Variants in DPP10 observed in about 807,000 individuals in gnomAD.
DPP10 encodes the protein dipeptidyl peptidase like 10.
A neutral mutation model predicts 120.9 loss-of-function variants in DPP10; 33 were observed. The ratio of observed to expected loss-of-function variants is 0.27; its 90% CI spans 0.21 to 0.37. The LOEUF (loss-of-function observed/expected upper bound fraction) is 0.37. DPP10 is among the 10% of genes least tolerant of loss of function. The pLI is 1.00. For missense variants in DPP10, 816 were observed against 942.8 expected (o/e 0.87, Z 1.76); for synonymous variants, 337 against 326.1 (o/e 1.03, Z -0.36).
chr2:115,622,841 T>TG lies in DPP10; in HGVS notation c.442-66846_442-66845insG, dbSNP rs142239552. On this transcript the variant is annotated intron_variant, in intron 5 of 25. Transcript: ENST00000410059. Reference sequence around the variant, plus strand: ...CCATTCGTTTATTCTTTTTTTTTTTTTTTTTGTTTTTTGTTTTTTGAGATG... The same window carrying TG: ...CCATTCGTTTATTCTTTTTTTTTTTTGTTTTTGTTTTTTGTTTTTTGAGATG... Among the ~76,000 whole-genome samples the TG allele has an allele frequency of 8.8e-5, 8 of 90,750 alleles. No homozygotes were observed. The East Asian group carries it at 2.9e-3, about 33-fold the overall frequency. 59.5% of individuals were successfully genotyped at this position (90,750 alleles called of 152,430 possible). A position where few individuals can be genotyped will look rare whatever the true frequency, so the allele number is the denominator to read the frequency against.
At chr2:115,415,126 C>T (rs1265304509) in intron 3 of DPP10, among the ~76,000 whole-genome samples, 3 of 152,148 alleles carry the variant, frequency 2.0e-5, no homozygotes, top group African/African-American at 7.2e-5. Flanking sequence ...GGTGGTTTTC[C>T]TGGTAAGATA....
chr2:115,001,051 C>T (rs1701406443), intron 1 of DPP10, among the ~76,000 whole-genome samples: 1 of 152,142 alleles, frequency 6.6e-6, no homozygotes, highest in Admixed American at 6.5e-5. Flanking sequence ...ATCAAATAAA[C>T]TTTGAGAACC....
At chr2:114,527,643 G>A (rs1573570452) in intron 1 of DPP10, among the ~76,000 whole-genome samples, 1 of 152,116 alleles carries the variant, frequency 6.6e-6, no homozygotes, top group Non-Finnish European at 1.5e-5. Context: ...CAATTACAAA[G>A]TATAGTTATG....
At chr2:114,459,992 G>A (rs1432910682) in intron 1 of DPP10, among the ~76,000 whole-genome samples, 1 of 152,072 alleles carries the variant, frequency 6.6e-6, no homozygotes, top group Admixed American at 6.6e-5. Context: ...TTCATTACCT[G>A]AAATCTTCTT....
At chr2:115,343,220 T>C (rs2063535688) in intron 2 of DPP10, among the ~76,000 whole-genome samples, 1 of 152,210 alleles carries the variant, frequency 6.6e-6, no homozygotes, top group South Asian at 2.1e-4. Flanking sequence ...TATAAAAGAC[T>C]AGTATGAAAT....
At chr2:114,853,251 A>C (rs752682120) in intron 1 of DPP10, among the ~76,000 whole-genome samples, 5 of 152,140 alleles carry the variant, frequency 3.3e-5, no homozygotes, top group Non-Finnish European at 7.4e-5. Context: ...TGTTAAATGG[A>C]TGAAAACATA....
chr2:115,329,928 T>C (rs2062608153), intron 2 of DPP10, among the ~76,000 whole-genome samples: 1 of 152,200 alleles, frequency 6.6e-6, no homozygotes, highest in Admixed American at 6.5e-5. Flanking sequence ...AGCAGCATGA[T>C]TTATAATCCT....
chr2:115,294,813 C>G (rs1242337668), intron 1 of DPP10, among the ~76,000 whole-genome samples: 1 of 151,944 alleles, frequency 6.6e-6, no homozygotes, highest in Non-Finnish European at 1.5e-5. Context: ...TCTCATGCAG[C>G]CAAAGTGGCA....
At chr2:114,699,261 A>T (rs10188095) in intron 1 of DPP10, among the ~76,000 whole-genome samples, 403 of 152,224 alleles carry the variant, frequency 2.6e-3, no homozygotes, top group African/African-American at 9.4e-3. Context: ...TTGTATAAAT[A>T]TACATATGCA....
intron 3 of DPP10, among the ~76,000 whole-genome samples, chr2:115,458,588 C>T (rs565299610): frequency 2.6e-5 from 4 of 151,992 alleles, no homozygotes; most frequent in African/African-American, 9.6e-5. Flanking sequence ...ATTCTTTTAC[C>T]TGATATGTTT....
At chr2:115,382,674 G>C (rs2066494624) in intron 3 of DPP10, among the ~76,000 whole-genome samples, 2 of 152,096 alleles carry the variant, frequency 1.3e-5, no homozygotes, top group African/African-American at 4.8e-5. Flanking sequence ...GGTAAAAGTA[G>C]GGACATTTTG....
At chr2:115,809,102 T>C (rs967179908) in intron 19 of DPP10, among the ~76,000 whole-genome samples, 7 of 152,202 alleles carry the variant, frequency 4.6e-5, no homozygotes, top group Non-Finnish European at 8.8e-5. Flanking sequence ...AAAAAAATAA[T>C]GTAATTCCTT....
intron 1 of DPP10, among the ~76,000 whole-genome samples, chr2:115,080,644 C>T (rs1252815731): frequency 1.3e-5 from 2 of 152,134 alleles, no homozygotes; most frequent in African/African-American, 4.8e-5. Flanking sequence ...ACAGTCTAGC[C>T]CCATATAGAT....
chr2:114,738,412 C>G (rs1012147223), intron 1 of DPP10, among the ~76,000 whole-genome samples: 9 of 152,174 alleles, frequency 5.9e-5, no homozygotes, highest in African/African-American at 1.9e-4. Context: ...CTATGGGACA[C>G]CTTCCAGATA....
intron 1 of DPP10, among the ~76,000 whole-genome samples, chr2:115,256,765 T>G (rs900958012): frequency 1.3e-5 from 2 of 152,228 alleles, no homozygotes; most frequent in Admixed American, 1.3e-4. Flanking sequence ...CTGGCCAAGC[T>G]GCAGATTTTT....
At chr2:114,876,248 A>G (rs990806911) in intron 1 of DPP10, among the ~76,000 whole-genome samples, 5 of 152,146 alleles carry the variant, frequency 3.3e-5, no homozygotes, top group African/African-American at 1.2e-4. Flanking sequence ...GATAGTGAAA[A>G]CGATATTTAT....
At position 115,491,536 on chromosome 2, in the gene DPP10, T is replaced by A. The variant is rs192796645; in HGVS notation, c.272-7974T>A. ...TGGATAATTTTATGGTGGGCTGGAATGTCTCTGGGAGGAGAGGAGATTATC... is the reference window on the plus strand; with the variant it reads ...TGGATAATTTTATGGTGGGCTGGAAAGTCTCTGGGAGGAGAGGAGATTATC... On this transcript the variant is annotated intron_variant, in intron 3 of 25. Transcript: ENST00000410059. Among the ~76,000 whole-genome samples the A allele has an allele frequency of 7.3e-4, 111 of 152,182 alleles. 1 individual carries two copies. The highest frequency in any genetic ancestry group is 1.4e-3 in the Non-Finnish European group (97 of 68,000).
intron 1 of DPP10, among the ~76,000 whole-genome samples, chr2:114,767,307 T>C (rs1215208342): frequency 7.0e-6 from 1 of 142,898 alleles, no homozygotes. Flanking sequence ...TATATATAAA[T>C]ATATAATATA....
rs1232766532 is a variant in DPP10 at position 114,578,916 on chromosome 2, C to CT, written c.60+136081dup. Among the ~76,000 whole-genome samples the CT allele has an allele frequency of 2.0e-5, 3 of 152,070 alleles. No homozygotes were observed. In the East Asian group the frequency reaches 5.8e-4, roughly 29 times the overall value. On this transcript the variant is annotated intron_variant, in intron 1 of 25. Coordinates refer to ENST00000410059, the MANE Select transcript of DPP10 (RefSeq NM_020868.6). ...TCAAAACTCAAATATTAGTGAATTC[C>CT]TTTGATTTATGTGAAAATTAAAGTT... is the stretch of plus-strand genomic sequence containing the variant.
Sources: gnomAD v4.1 joint callset for allele counts (sites outside exome capture counted in the v4.1 genomes callset) on GRCh38, gnomAD v4.1.1 for gene constraint, MANE v1.5 for transcripts, NCBI Gene and HGNC (gene_info 2026-07-23, HGNC 2026-07-21) for gene names.